The following SLC12A3 variants were observed in gnomAD, a reference collection of about 807,000 sequenced individuals.
SLC12A3 encodes solute carrier family 12 member 3.
Under a neutral mutation model 121.0 loss-of-function variants are expected in SLC12A3, and 104 were observed. The observed-to-expected ratio is 0.86, with a 90% CI of 0.73 to 1.01. The LOEUF (loss-of-function observed/expected upper bound fraction) is 1.01, where lower values mean the gene tolerates loss of function less well. SLC12A3 is among the 50% of genes least tolerant of loss of function. The pLI is 0.00. For missense variants in SLC12A3, 1,328 were observed against 1,356.3 expected (o/e 0.98, Z 0.33); for synonymous variants, 536 against 533.4 (o/e 1.00, Z -0.07).
chr16:56,865,571 G>A lies in SLC12A3; in HGVS notation c.282+54G>A. The A allele has an allele frequency of 3.2e-6, 5 of 1,581,458 alleles. No homozygotes were observed. In the South Asian group the frequency reaches 5.5e-5, roughly 17 times the overall value. On this transcript the variant is annotated intron_variant, in intron 1 of 25. Transcript: ENST00000563236. ...TTCCCTGCTGTGTGACCTCGACCCA[G>A]CTACCTAACCTCTCTGAGCCTCAGT...
In SLC12A3 at chr16:56,885,364, G is replaced by T; in HGVS notation, c.1925G>T (p.Arg642Leu). ...NEVEDHIKNY[R>L]PQCLVLTGPP... ...GTGGAAGACCACATCAAGAACTACCGGTGAGCAGAGCTGCTGGGACCCACC... is the reference window on the plus strand; with the variant it reads ...GTGGAAGACCACATCAAGAACTACCTGTGAGCAGAGCTGCTGGGACCCACC... The change falls in exon 15 of 26, where the codon CGC becomes CTC. Residue 642 changes from arginine (R) to leucine (L), a missense_variant and splice_region_variant. Coordinates refer to ENST00000563236, the MANE Select transcript of SLC12A3 (RefSeq NM_001126108.2). 6.5e-7 allele frequency: 1 copy of T among 1,543,982 alleles called. No individual in the cohort carries two copies. Among genetic ancestry groups the T allele is most frequent in the Non-Finnish European group, 8.8e-7 (1 of 1,139,382 alleles).
chr16:56,871,840 A>G (rs1248453101), intron 6 of SLC12A3, among the ~76,000 whole-genome samples: 3 of 152,116 alleles, frequency 2.0e-5, no homozygotes, highest in Non-Finnish European at 2.9e-5. Context: ...CTCCTGCCTC[A>G]GCCTCCCAAG....
chr16:56,880,389 A>C, intron 12 of SLC12A3, 136 bp downstream of exon 12: 1 of 1,121,088 alleles, frequency 8.9e-7, no homozygotes, highest in South Asian at 1.5e-5. Context: ...TAAGAGGCTA[A>C]GTCTTGAGGG....
Position 56,885,382 on chromosome 16 carries a change from G to T in SLC12A3, c.1925+18G>T. 1 of 1,489,008 alleles carries T rather than the reference G, an allele frequency of 6.7e-7. No individual in the cohort carries two copies. The highest frequency in any genetic ancestry group is 1.2e-5 in the South Asian group (1 of 82,778). The allele number at this position is 1,489,008 out of a possible 1,614,324, so 92.2% of individuals were successfully genotyped here. A position where few individuals can be genotyped will look rare whatever the true frequency, so the allele number is the denominator to read the frequency against. ...AACTACCGGTGAGCAGAGCTGCTGG[G>T]ACCCACCTGGGACCCCAGGGCCAGT... On this transcript the variant is annotated intron_variant, in intron 15 of 25. Coordinates refer to ENST00000563236, the MANE Select transcript of SLC12A3 (RefSeq NM_001126108.2).
Position 56,894,636 on chromosome 16 carries a change from G to T in SLC12A3, c.2627G>T (p.Arg876Ile), listed in dbSNP as rs1016367282. ...GGQINRMDQERKAIISLLSKF... is the reference protein window; with the variant it reads ...GGQINRMDQEIKAIISLLSKF... ...CAGATTAACAGGATGGACCAGGAGA[G>T]AAAGGCGTAAGTGTGGAGGGCTGGC... Residue 876 changes from arginine to isoleucine, a missense_variant, in exon 22 of 26, where the codon AGA (arginine) becomes ATA (isoleucine). By Grantham distance (97) the Arg-to-Ile change is moderately conservative. Transcript: ENST00000563236. 45 of 1,613,494 alleles carry T rather than the reference G, an allele frequency of 2.8e-5. No homozygotes were observed. Among genetic ancestry groups the T allele is most frequent in the Non-Finnish European group, 3.6e-5 (43 of 1,179,578 alleles).
chr16:56,876,916 C>T (rs560859913), intron 8 of SLC12A3, among the ~76,000 whole-genome samples: 71 of 152,238 alleles, frequency 4.7e-4, no homozygotes, highest in African/African-American at 1.6e-3. Flanking sequence ...CCTTGGAGCC[C>T]GAGGCTGTTG....
chr16:56,869,053 G>A (rs1158174667), intron 3 of SLC12A3, among the ~76,000 whole-genome samples: 1 of 152,124 alleles, frequency 6.6e-6, no homozygotes, highest in Non-Finnish European at 1.5e-5. Flanking sequence ...CCTGCTATGT[G>A]ACTTTGGGCA....
intron 8 of SLC12A3, among the ~76,000 whole-genome samples, chr16:56,875,486 G>T (rs147362276): frequency 1.8e-4 from 27 of 152,132 alleles, no homozygotes; most frequent in Non-Finnish European, 5.9e-5. Context: ...AGGTTCGGGG[G>T]CCTGCCCAGG....
chr16:56,896,482 GCCTA>G (rs1328338438), intron 22 of SLC12A3, among the ~76,000 whole-genome samples: 1 of 152,216 alleles, frequency 6.6e-6, no homozygotes, highest in Non-Finnish European at 1.5e-5. Context: ...CAGTGGCTCT[GCCTA>G]TAGATCTTGG....
chr16:56,881,225 T>C (rs941445637), intron 12 of SLC12A3, among the ~76,000 whole-genome samples: 1 of 152,180 alleles, frequency 6.6e-6, no homozygotes, highest in Non-Finnish European at 1.5e-5. Flanking sequence ...GGTATCACAG[T>C]CCATGAGATT....
At chr16:56,886,267 C>A in intron 15 of SLC12A3, 97 bp from the exon 16 acceptor site, 2 of 840,808 alleles carry the variant, frequency 2.4e-6, no homozygotes, top group Non-Finnish European at 4.0e-6. Flanking sequence ...TGCTGGTGGC[C>A]ACACCACCAT....
At position 56,882,421 on chromosome 16, in the gene SLC12A3, C is replaced by T. The variant is rs1178324513; in HGVS notation, c.1593C>T (p.Ile531=). 2 of 1,614,012 alleles carry T rather than the reference C, an allele frequency of 1.2e-6. No homozygotes were observed. The highest frequency in any genetic ancestry group is 2.7e-5 in the African/African-American group (2 of 74,920). The change falls in exon 13 of 26, where the codon ATC becomes ATT. Residue 531 remains isoleucine, a synonymous_variant. Transcript: ENST00000563236. ...CTGAGCTCAACACCATAGCCCCCAT[C>T]ATTTCCAACTTCTTCCTCTGCTCCT... ...IIAELNTIAP[I]ISNFFLCSYA... is the part of the protein sequence containing the mutation.
At chr16:56,872,265 G>C (rs2055106925) in intron 6 of SLC12A3, 86 bp from the exon 7 acceptor site, 6 of 880,510 alleles carry the variant, frequency 6.8e-6, no homozygotes, top group Non-Finnish European at 1.1e-5. Flanking sequence ...TGGAGAAACG[G>C]GCCCTGGGCA....
chr16:56,884,011 C>T, intron 13 of SLC12A3, 38 bp from the exon 14 acceptor site: 10 of 1,612,262 alleles, frequency 6.2e-6, no homozygotes, highest in Non-Finnish European at 8.5e-6. Flanking sequence ...AGAGGCTCGA[C>T]TGCCAGGCAT....
intron 25 of SLC12A3, among the ~76,000 whole-genome samples, chr16:56,907,692 C>T (rs7196567): frequency 0.057 from 8,722 of 152,146 alleles, 510 homozygotes; most frequent in African/African-American, 0.15. Flanking sequence ...CCTCACTTGG[C>T]GGAGGGAGCC....
intron 22 of SLC12A3, among the ~76,000 whole-genome samples, chr16:56,898,506 C>A (rs376309010): frequency 6.6e-6 from 1 of 152,158 alleles, no homozygotes; most frequent in Non-Finnish European, 1.5e-5. Context: ...GATCCACCTG[C>A]CTCGGCCTCT....
intron 17 of SLC12A3, 44 bp downstream of exon 17, chr16:56,887,137 G>T (rs1282633748): frequency 6.2e-7 from 1 of 1,612,976 alleles, no homozygotes; most frequent in Non-Finnish European, 8.5e-7. Context: ...ACGGCTTGGT[G>T]GCACAACCTG....
intron 25 of SLC12A3, among the ~76,000 whole-genome samples, chr16:56,912,001 G>T (rs1479690770): frequency 6.6e-6 from 1 of 152,228 alleles, no homozygotes; most frequent in African/African-American, 2.4e-5. Flanking sequence ...AGGTCATCTG[G>T]CTGAGGAAGT....
chr16:56,872,228 G>A (rs1322529050), intron 6 of SLC12A3, 123 bp from the exon 7 acceptor site: 2 of 715,074 alleles, frequency 2.8e-6, no homozygotes, highest in Non-Finnish European at 5.0e-6. Context: ...TGCATAATGG[G>A]TGTTGAATGA....
Sources: gnomAD v4.1 joint callset for allele counts (sites outside exome capture counted in the v4.1 genomes callset) on GRCh38, gnomAD v4.1.1 for gene constraint, MANE v1.5 for transcripts, NCBI Gene and HGNC (gene_info 2026-07-23, HGNC 2026-07-21) for gene names.